The following PTCHD4 variants were observed in gnomAD, a reference collection of about 807,000 sequenced individuals.
PTCHD4 encodes patched domain containing 4.
PTCHD4 carries 33 observed loss-of-function variants against 58.1 expected under a neutral mutation model. The ratio of observed to expected loss-of-function variants is 0.57; its 90% CI spans 0.43 to 0.76. The LOEUF (loss-of-function observed/expected upper bound fraction) is 0.76. PTCHD4 is among the 30% of genes least tolerant of loss of function. The pLI is 0.00. For missense variants in PTCHD4, 1,058 were observed against 1,027.1 expected (o/e 1.03, Z -0.41); for synonymous variants, 478 against 409.6 (o/e 1.17, Z -2.02).
chr6:48,032,261 T>C (rs1364796976), intron 3 of PTCHD4, among the ~76,000 whole-genome samples: 1 of 152,144 alleles, frequency 6.6e-6, no homozygotes, highest in African/African-American at 2.4e-5. Flanking sequence ...CAGACATCTG[T>C]AAAGATGGAA....
intron 1 of PTCHD4, among the ~76,000 whole-genome samples, chr6:48,073,582 A>G (rs1765013057): frequency 6.6e-6 from 1 of 152,200 alleles, no homozygotes; most frequent in Non-Finnish European, 1.5e-5. Context: ...TATCTTGTTC[A>G]AGGTTAGCAG....
intron 1 of PTCHD4, among the ~76,000 whole-genome samples, chr6:48,102,496 C>T (rs926702679): frequency 3.9e-5 from 6 of 152,124 alleles, no homozygotes; most frequent in African/African-American, 1.4e-4. Flanking sequence ...CCAAGATGGC[C>T]AAATAGGAAC....
chr6:47,928,444 C>T (rs1765699371), intron 4 of PTCHD4, among the ~76,000 whole-genome samples: 1 of 152,208 alleles, frequency 6.6e-6, no homozygotes, highest in Admixed American at 6.5e-5. Flanking sequence ...TCTCCCTAAA[C>T]TACTGAGGAA....
At chr6:47,946,631 T>C (rs1188772340) in intron 4 of PTCHD4, among the ~76,000 whole-genome samples, 1 of 152,202 alleles carries the variant, frequency 6.6e-6, no homozygotes, top group Non-Finnish European at 1.5e-5. Flanking sequence ...AAAAATGCAA[T>C]ATGGCTATTT....
At chr6:47,964,470 C>G (rs1386200305) in intron 4 of PTCHD4, among the ~76,000 whole-genome samples, 1 of 152,070 alleles carries the variant, frequency 6.6e-6, no homozygotes, top group Admixed American at 6.6e-5. Context: ...TATTTATTGA[C>G]CAGAACCTCA....
chr6:47,979,041 A>C (rs551214855), intron 4 of PTCHD4, among the ~76,000 whole-genome samples: 1 of 152,254 alleles, frequency 6.6e-6, no homozygotes, highest in South Asian at 2.1e-4. Flanking sequence ...AACAGTTAAA[A>C]ATTTTATCAC....
intron 4 of PTCHD4, chr6:47,901,895 C>G: frequency 7.7e-7 from 1 of 1,303,760 alleles, no homozygotes; most frequent in Non-Finnish European, 1.0e-6. Context: ...TTCTTCCAAA[C>G]TAAATTTGTT....
chr6:48,079,970 A>ATTTTTTTTTTTTT (rs141629864), intron 1 of PTCHD4, among the ~76,000 whole-genome samples: 1 of 76,142 alleles, frequency 1.3e-5, no homozygotes, highest in South Asian at 4.8e-4. Context: ...CCTTATGATG[A>ATTTTTTTTTTTTT]TTTTTTTTTT....
chr6:48,101,233 A>G (rs1286916724), intron 1 of PTCHD4, among the ~76,000 whole-genome samples: 1 of 152,186 alleles, frequency 6.6e-6, no homozygotes, highest in Non-Finnish European at 1.5e-5. Context: ...GGCTGTGGCA[A>G]CAGTGATATA....
chr6:47,930,202 T>C (rs1765765119), intron 4 of PTCHD4, among the ~76,000 whole-genome samples: 1 of 152,158 alleles, frequency 6.6e-6, no homozygotes. Flanking sequence ...CAAAGCTCTC[T>C]GAAAGGGTAA....
At chr6:48,101,271 T>A (rs1419302787) in intron 1 of PTCHD4, among the ~76,000 whole-genome samples, 3 of 152,154 alleles carry the variant, frequency 2.0e-5, no homozygotes, top group Admixed American at 1.3e-4. Flanking sequence ...AATGTGAAGA[T>A]CAATTATTTG....
chr6:47,979,729 C>T (rs886134101), intron 4 of PTCHD4, among the ~76,000 whole-genome samples: 3 of 151,858 alleles, frequency 2.0e-5, no homozygotes, highest in Admixed American at 2.0e-4. Context: ...TGTTTGATTT[C>T]CCAGGTACCC....
chr6:47,950,171 G>GT (rs1331610931), intron 4 of PTCHD4, among the ~76,000 whole-genome samples: 1 of 151,892 alleles, frequency 6.6e-6, no homozygotes, highest in Non-Finnish European at 1.5e-5. Context: ...GAGAATGATG[G>GT]TTTCCAGTTT....
In PTCHD4 at chr6:48,069,560, A is replaced by G. The variant is rs2113882394; in HGVS notation, c.-603T>C. ...TCCACAGACCAGTCCGCTGCAGCTG[A>G]GGGCTGCGGAGACTCCATCTATCCC... On this transcript the variant is annotated 5_prime_UTR_variant, in exon 2 of 5. Coordinates refer to ENST00000339488, the MANE Select transcript of PTCHD4 (RefSeq NM_001384253.1). 6.6e-6 allele frequency among the ~76,000 whole-genome samples: 1 copy of G among 152,302 alleles called. No homozygotes were observed. Among genetic ancestry groups the G allele is most frequent in the South Asian group, 2.1e-4 (1 of 4,822 alleles).
chr6:47,953,799 G>A (rs560722353), intron 4 of PTCHD4, among the ~76,000 whole-genome samples: 2 of 152,154 alleles, frequency 1.3e-5, no homozygotes, highest in Non-Finnish European at 2.9e-5. Context: ...TCTGTTCTAA[G>A]ATGGAATCTT....
chr6:48,009,120 A>G lies in PTCHD4; in HGVS notation c.418-6T>C. The G allele has an allele frequency of 6.3e-7, 1 of 1,591,462 alleles. No individual in the cohort carries two copies. The highest frequency in any genetic ancestry group is 8.6e-7 in the Non-Finnish European group (1 of 1,169,106). ...ATAAAACTGTTCCTCCCATCCTTGAAAACAGAAAAAGAAGAGACTTCAGTT... is the reference window on the plus strand; with the variant it reads ...ATAAAACTGTTCCTCCCATCCTTGAGAACAGAAAAAGAAGAGACTTCAGTT... On this transcript the variant is annotated splice_region_variant and splice_polypyrimidine_tract_variant and intron_variant, in intron 3 of 4. Coordinates refer to ENST00000339488, the MANE Select transcript of PTCHD4 (RefSeq NM_001384253.1).
intron 3 of PTCHD4, among the ~76,000 whole-genome samples, chr6:48,011,962 T>G (rs1228730425): frequency 6.6e-6 from 1 of 152,200 alleles, no homozygotes; most frequent in Non-Finnish European, 1.5e-5. Context: ...ATCATGGTGT[T>G]TTGGTTACTG....
intron 4 of PTCHD4, among the ~76,000 whole-genome samples, chr6:47,931,016 C>T (rs1309971631): frequency 6.6e-6 from 1 of 152,180 alleles, no homozygotes; most frequent in African/African-American, 2.4e-5. Flanking sequence ...AACTCCTGAC[C>T]TCAGGTGATC....
chr6:47,997,880 C>A (rs1222153580), intron 4 of PTCHD4, among the ~76,000 whole-genome samples: 1 of 152,132 alleles, frequency 6.6e-6, no homozygotes, highest in Non-Finnish European at 1.5e-5. Flanking sequence ...TCTTTCTCTG[C>A]CAATTTTCTT....
Sources: gnomAD v4.1 joint callset for allele counts (sites outside exome capture counted in the v4.1 genomes callset) on GRCh38, gnomAD v4.1.1 for gene constraint, MANE v1.5 for transcripts, NCBI Gene and HGNC (gene_info 2026-07-23, HGNC 2026-07-21) for gene names.